The following PDE4B variants were observed in gnomAD, a reference collection of about 807,000 sequenced individuals.
The protein encoded by PDE4B is phosphodiesterase 4B.
In PDE4B, 20 loss-of-function variants were observed where a neutral mutation model predicts 82.2. The ratio of observed to expected loss-of-function variants is 0.24; its 90% CI spans 0.17 to 0.35. The LOEUF is 0.35. Among genes scored for constraint, PDE4B ranks in the 10% least tolerant of loss-of-function variants. The probability of loss-of-function intolerance (pLI) is 1.00; values close to 1 mark genes in which losing one functional copy is unlikely to be tolerated. For synonymous variants in PDE4B, 320 were observed against 318.9 expected, an observed-to-expected ratio of 1.00 and a Z score of -0.04; for missense variants, 655 against 907.2, an observed-to-expected ratio of 0.72 and a Z score of 3.57.
intron 1 of PDE4B, among the ~76,000 whole-genome samples, chr1:65,887,238 C>CTT (rs748107607): frequency 1.0e-4 from 2 of 19,670 alleles, no homozygotes; most frequent in Non-Finnish European, 1.8e-4. Context: ...TTCTTTCTTT[C>CTT]TTTCTTTCTT....
At chr1:66,080,393 GT>G (rs1361843720) in intron 3 of PDE4B, among the ~76,000 whole-genome samples, 1 of 152,112 alleles carries the variant, frequency 6.6e-6, no homozygotes, top group Non-Finnish European at 1.5e-5. Context: ...TTTTTACCAA[GT>G]GAAAAGATAC....
intron 3 of PDE4B, among the ~76,000 whole-genome samples, chr1:65,922,552 TA>T (rs1457757848): frequency 6.6e-6 from 1 of 152,164 alleles, no homozygotes; most frequent in Non-Finnish European, 1.5e-5. Flanking sequence ...TATTGAAACC[TA>T]TAATTGCATA....
At chr1:65,934,635 T>C (rs1648023897) in intron 3 of PDE4B, among the ~76,000 whole-genome samples, 1 of 152,182 alleles carries the variant, frequency 6.6e-6, no homozygotes, top group African/African-American at 2.4e-5. Flanking sequence ...GTGCTGTCTA[T>C]AAGAAACTCA....
At chr1:65,865,042 G>T (rs1646495810) in intron 1 of PDE4B, among the ~76,000 whole-genome samples, 1 of 152,208 alleles carries the variant, frequency 6.6e-6, no homozygotes, top group South Asian at 2.1e-4. Context: ...ATAAGCCCCT[G>T]TATGGGGCTG....
At chr1:65,999,737 CT>C (rs1651759775) in intron 3 of PDE4B, among the ~76,000 whole-genome samples, 1 of 152,132 alleles carries the variant, frequency 6.6e-6, no homozygotes, top group Admixed American at 6.6e-5. Flanking sequence ...GTGATTCTGT[CT>C]TGTTTTCAGT....
chr1:65,979,767 A>G (rs1650590578), intron 3 of PDE4B, among the ~76,000 whole-genome samples: 1 of 152,182 alleles, frequency 6.6e-6, no homozygotes, highest in Admixed American at 6.5e-5. Context: ...ATTGAACATC[A>G]GCTCTATGCC....
At chr1:66,036,481 TGAG>T (rs1654068768) in intron 3 of PDE4B, among the ~76,000 whole-genome samples, 1 of 152,180 alleles carries the variant, frequency 6.6e-6, no homozygotes, top group Admixed American at 6.5e-5. Context: ...TAATCCATTG[TGAG>T]TTTATTCTTG....
At chr1:66,172,266 G>A (rs551923055) in intron 3 of PDE4B, among the ~76,000 whole-genome samples, 7 of 152,254 alleles carry the variant, frequency 4.6e-5, no homozygotes, top group South Asian at 4.1e-4. Context: ...CCATATTGCC[G>A]CAAAGGACAT....
chr1:66,050,694 T>G (rs1234584499), intron 3 of PDE4B: 1 of 152,106 alleles, frequency 6.6e-6, no homozygotes, highest in African/African-American at 2.4e-5. Flanking sequence ...GATACACCTT[T>G]GTTAAAAAGA....
At chr1:65,911,686 G>A (rs1569650561) in intron 1 of PDE4B, among the ~76,000 whole-genome samples, 3 of 152,094 alleles carry the variant, frequency 2.0e-5, no homozygotes, top group Admixed American at 6.6e-5. Context: ...GAGGGGCATC[G>A]TAGTTCTAAT....
At chr1:66,128,079 C>T (rs1645861197) in intron 3 of PDE4B, among the ~76,000 whole-genome samples, 1 of 152,058 alleles carries the variant, frequency 6.6e-6, no homozygotes, top group African/African-American at 2.4e-5. Context: ...CTAATAATAC[C>T]ATGTGTTTGA....
intron 7 of PDE4B, among the ~76,000 whole-genome samples, chr1:66,300,029 G>A (rs1295956132): frequency 1.3e-5 from 2 of 152,044 alleles, no homozygotes; most frequent in Non-Finnish European, 2.9e-5. Context: ...TGGAAAAATT[G>A]GCACTATTGC....
chr1:66,083,968 C>A (rs534146176), intron 3 of PDE4B, among the ~76,000 whole-genome samples: 1 of 152,212 alleles, frequency 6.6e-6, no homozygotes, highest in East Asian at 1.9e-4. Context: ...AGATGAGTGG[C>A]AGTTTTTCTC....
At chr1:65,965,785 A>G (rs967621153) in intron 3 of PDE4B, among the ~76,000 whole-genome samples, 5 of 152,174 alleles carry the variant, frequency 3.3e-5, no homozygotes, top group African/African-American at 4.8e-5. Context: ...AAACAGAACC[A>G]ACGACAAAAA....
intron 4 of PDE4B, among the ~76,000 whole-genome samples, chr1:66,255,443 G>A (rs1013975205): frequency 2.6e-5 from 4 of 152,290 alleles, no homozygotes; most frequent in African/African-American, 9.6e-5. Flanking sequence ...TGTCTGGACT[G>A]TCCATAATAT....
intron 1 of PDE4B, among the ~76,000 whole-genome samples, chr1:65,841,331 G>GAGAA (rs1416860790): frequency 1.1e-4 from 16 of 149,978 alleles, no homozygotes; most frequent in African/African-American, 3.9e-4. Flanking sequence ...AAGAGAGAGA[G>GAGAA]AGAAAGAAAG....
In PDE4B at chr1:66,253,420, T is replaced by C. The variant is rs536804366; in HGVS notation, c.477-4227T>C. Among the ~76,000 whole-genome samples, 201 of 152,350 alleles carry C rather than the reference T, an allele frequency of 1.3e-3. 1 individual carries two copies. Among genetic ancestry groups the C allele is most frequent in the African/African-American group, 4.6e-3 (192 of 41,572 alleles). On this transcript the variant is annotated intron_variant, in intron 4 of 16. Coordinates refer to ENST00000341517, the MANE Select transcript of PDE4B (RefSeq NM_002600.4). ...TTTTATTGTTTAGAGCAGACCTACA[T>C]ACACTCAATTCTATGACTCAGTACT...
At chr1:66,342,915 C>G (rs1250344928) in intron 8 of PDE4B, among the ~76,000 whole-genome samples, 1 of 151,974 alleles carries the variant, frequency 6.6e-6, no homozygotes, top group Non-Finnish European at 1.5e-5. Flanking sequence ...CGCAGTGGTG[C>G]ATGCCTGTAG....
intron 1 of PDE4B, among the ~76,000 whole-genome samples, chr1:65,906,411 T>C (rs1647028861): frequency 6.6e-6 from 1 of 152,150 alleles, no homozygotes; most frequent in Non-Finnish European, 1.5e-5. Context: ...CAGGGATTTT[T>C]TTGTTCTTTT....
Sources: allele counts gnomAD v4.1 joint callset (sites outside exome capture counted in the v4.1 genomes callset), GRCh38; gene constraint gnomAD v4.1.1; transcripts MANE v1.5; gene names NCBI Gene and HGNC (gene_info 2026-07-23, HGNC 2026-07-21).